Variants in SLC6A20 observed in about 807,000 individuals in gnomAD.
SLC6A20 encodes the protein solute carrier family 6 member 20.
SLC6A20 carries 73 observed loss-of-function variants against 64.3 expected under a neutral mutation model. That is an observed-to-expected ratio of 1.14 (90% CI 0.94 to 1.38). The LOEUF (loss-of-function observed/expected upper bound fraction) is 1.38. Ranked by LOEUF, SLC6A20 falls within the 40% of genes most tolerant of loss-of-function variation. The pLI, the probability that SLC6A20 is intolerant of heterozygous loss-of-function variation, is 0.00. For missense variants in SLC6A20, 725 were observed against 772.8 expected (o/e 0.94, Z 0.73); for synonymous variants, 347 against 329.6 (o/e 1.05, Z -0.57).
At position 45,758,662 on chromosome 3, in the gene SLC6A20, A is replaced by C. The variant is rs1241460664; in HGVS notation, c.*316T>G. 15 of 1,159,988 alleles carry C rather than the reference A, an allele frequency of 1.3e-5. No individual in the cohort carries two copies. Among genetic ancestry groups the C allele is most frequent in the Non-Finnish European group, 1.6e-5 (15 of 937,762 alleles). 71.9% of individuals were successfully genotyped at this position (1,159,988 alleles called of 1,614,324 possible). A position where few individuals can be genotyped will look rare whatever the true frequency, so the allele number is the denominator to read the frequency against. On this transcript the variant is annotated 3_prime_UTR_variant, in exon 11 of 11. Coordinates refer to ENST00000358525, the MANE Select transcript of SLC6A20 (RefSeq NM_020208.4). ...TTAAATTTGGTCCCATAAGAATTAT[A>C]GTCATATTTCAGTTTGCAATGTGCC...
rs2125713840 is a variant in SLC6A20 at position 45,757,153 on chromosome 3, TCTC to T, written c.*1822_*1824del. Reference sequence around the variant, plus strand: ...CTCACCTCCAGCCACAGGGCGGTTTTCTCCTATCTCAGAATAGAACGAATGGGA... The same window carrying T: ...CTCACCTCCAGCCACAGGGCGGTTTTCTATCTCAGAATAGAACGAATGGGA... On this transcript the variant is annotated 3_prime_UTR_variant, in exon 11 of 11. Transcript: ENST00000358525. The T allele has an allele frequency of 6.7e-6, 1 of 149,664 alleles. No individual in the cohort carries two copies. Among genetic ancestry groups the T allele is most frequent in the South Asian group, 2.2e-4 (1 of 4,586 alleles). 9.3% of individuals were successfully genotyped at this position (149,664 alleles called of 1,614,324 possible).
intron 7 of SLC6A20, among the ~76,000 whole-genome samples, chr3:45,766,453 CTA>C (rs1316203273): frequency 1.3e-5 from 2 of 152,158 alleles, no homozygotes; most frequent in East Asian, 3.8e-4. Flanking sequence ...AGAGAAGTCA[CTA>C]TGAGTGAAGA....
At chr3:45,768,272 G>A (rs1699805531) in intron 7 of SLC6A20, among the ~76,000 whole-genome samples, 1 of 151,222 alleles carries the variant, frequency 6.6e-6, no homozygotes, top group Admixed American at 6.6e-5. Flanking sequence ...GAGAAATCAA[G>A]CAACCAAATT....
chr3:45,780,248 G>A (rs554890928), intron 2 of SLC6A20, 148 bp from the exon 3 acceptor site: 2 of 642,992 alleles, frequency 3.1e-6, no homozygotes, highest in East Asian at 2.7e-5. Flanking sequence ...TGAGTATTAA[G>A]CGAGACCAGG....
rs764588044 is a variant in SLC6A20, at chr3:45,792,697, G to A, written c.121+3602C>T. Reference sequence around the variant, plus strand: ...GCTGTGGCCACCGCAGCTCCAGGCCGGCTCACAAGAGCCAACCGGCCCCAC... The same window carrying A: ...GCTGTGGCCACCGCAGCTCCAGGCCAGCTCACAAGAGCCAACCGGCCCCAC... On this transcript the variant is annotated intron_variant, in intron 1 of 10. Transcript: ENST00000358525. 3.9e-5 allele frequency among the ~76,000 whole-genome samples: 6 copies of A among 152,152 alleles called. No homozygotes were observed. In the East Asian group the frequency reaches 7.7e-4, roughly 20 times the overall value.
intron 1 of SLC6A20, among the ~76,000 whole-genome samples, chr3:45,782,597 A>G (rs757266174): frequency 3.4e-4 from 50 of 147,210 alleles, no homozygotes. Context: ...CCAACCTTCC[A>G]TTCATCCATC....
At chr3:45,766,012 C>A (rs539059318) in intron 7 of SLC6A20, among the ~76,000 whole-genome samples, 4 of 152,306 alleles carry the variant, frequency 2.6e-5, no homozygotes, top group African/African-American at 9.6e-5. Flanking sequence ...TACGTACATT[C>A]TGGATGAAAG....
rs190382051 is a variant in SLC6A20, at chr3:45,765,215, A to G, written c.1303+322T>C. Among the ~76,000 whole-genome samples, 1 of 152,270 alleles carries G rather than the reference A, an allele frequency of 6.6e-6. No individual in the cohort carries two copies. The highest frequency in any genetic ancestry group is 1.9e-4 in the East Asian group (1 of 5,188). On this transcript the variant is annotated intron_variant, in intron 8 of 10. Coordinates refer to ENST00000358525, the MANE Select transcript of SLC6A20 (RefSeq NM_020208.4). This position sits in a 1 kb window ranked among gnomAD's most constrained non-coding sequence, Gnocchi z 4.2. ...GCAACAGAGCGAGACTCCGTCTGAA[A>G]TATATATAATATACTTCAATGAAAA...
At position 45,765,838 on chromosome 3, in the gene SLC6A20, C is replaced by T; in HGVS notation, c.1099-97G>A. On this transcript the variant is annotated intron_variant, in intron 7 of 10. Coordinates refer to ENST00000358525, the MANE Select transcript of SLC6A20 (RefSeq NM_020208.4). The surrounding 1 kb of genome is among the most constrained non-coding windows in gnomAD (Gnocchi z 4.2). ...GCAACATGGGGGACCTTGGAAGTGGCCATGAGAAGCCACATTGTGAGGTTG... is the reference window on the plus strand; with the variant it reads ...GCAACATGGGGGACCTTGGAAGTGGTCATGAGAAGCCACATTGTGAGGTTG... 1 of 1,269,102 alleles carries T rather than the reference C, an allele frequency of 7.9e-7. No homozygotes were observed. Among genetic ancestry groups the T allele is most frequent in the Non-Finnish European group, 1.1e-6 (1 of 898,134 alleles). The allele number at this position is 1,269,102 out of a possible 1,614,324, so 78.6% of individuals were successfully genotyped here. A position where few individuals can be genotyped will look rare whatever the true frequency, so the allele number is the denominator to read the frequency against.
At chr3:45,763,365 T>G (rs541012509) in intron 8 of SLC6A20, among the ~76,000 whole-genome samples, 2 of 152,282 alleles carry the variant, frequency 1.3e-5, no homozygotes, top group East Asian at 1.9e-4. Context: ...GCAGACGTAG[T>G]GGGCACTGTC....
rs750497715 is a variant in SLC6A20, at chr3:45,759,841, C to T, written c.1629+16G>A. 3.1e-5 allele frequency: 49 copies of T among 1,605,868 alleles called. No individual in the cohort carries two copies. The East Asian group carries it at 3.1e-4, about 10-fold the overall frequency. ...CCATGGGGGCCCAGCGCCAGCCCTA[C>T]GGAGACAGTAGATACCTGGGAGGCG... On this transcript the variant is annotated intron_variant, in intron 10 of 10. Coordinates refer to ENST00000358525, the MANE Select transcript of SLC6A20 (RefSeq NM_020208.4).
At chr3:45,777,530 T>C (rs904571951) in intron 3 of SLC6A20, among the ~76,000 whole-genome samples, 4 of 152,326 alleles carry the variant, frequency 2.6e-5, no homozygotes, top group Admixed American at 6.5e-5. Flanking sequence ...GAAGAGATGC[T>C]GTGTGAGTGA....
chr3:45,774,264 T>G (rs1699928586), intron 4 of SLC6A20, among the ~76,000 whole-genome samples: 1 of 152,212 alleles, frequency 6.6e-6, no homozygotes, highest in Non-Finnish European at 1.5e-5. Flanking sequence ...TAAATAAGTT[T>G]TTATGGCATG....
In SLC6A20 at chr3:45,765,511, C is replaced by T. The variant is rs1699760287; in HGVS notation, c.1303+26G>A. ...ACGCCTTGGCCCTCCTGACCCCTGC[C>T]TCCTCCACTGGCTGGCCCCGCTGAC... On this transcript the variant is annotated intron_variant, in intron 8 of 10. Coordinates refer to ENST00000358525, the MANE Select transcript of SLC6A20 (RefSeq NM_020208.4). This position sits in a 1 kb window ranked among gnomAD's most constrained non-coding sequence, Gnocchi z 4.2. 1 of 1,599,822 alleles carries T rather than the reference C, an allele frequency of 6.3e-7. No homozygotes were observed. The highest frequency in any genetic ancestry group is 1.7e-5 in the Admixed American group (1 of 57,480).
chr3:45,762,083 T>C (rs538957021), intron 9 of SLC6A20, among the ~76,000 whole-genome samples: 1 of 152,246 alleles, frequency 6.6e-6, no homozygotes, highest in South Asian at 2.1e-4. Context: ...CTGCCCAAAC[T>C]GTGATGTGCC....
intron 4 of SLC6A20, among the ~76,000 whole-genome samples, chr3:45,775,225 A>G (rs1699943335): frequency 6.6e-6 from 1 of 152,160 alleles, no homozygotes; most frequent in African/African-American, 2.4e-5. Context: ...AAAGGGTCTC[A>G]AACTCAGCTG....
intron 5 of SLC6A20, chr3:45,772,225 G>C (rs1559565606): frequency 2.7e-6 from 1 of 372,520 alleles, no homozygotes; most frequent in Non-Finnish European, 4.9e-6. Flanking sequence ...AGGTGAGGCA[G>C]TGGCAGGGGT....
chr3:45,779,826 C>T (rs189525821), intron 3 of SLC6A20, among the ~76,000 whole-genome samples, 183 bp downstream of exon 3: 7 of 152,362 alleles, frequency 4.6e-5, no homozygotes, highest in East Asian at 3.9e-4. Flanking sequence ...CCGTGGAGCC[C>T]GGGTTCAGAA....
rs531935745 is a variant in SLC6A20 at position 45,765,911 on chromosome 3, G to A, written c.1099-170C>T. The A allele has an allele frequency of 8.9e-5, 61 of 684,942 alleles. 1 individual carries two copies. In the Middle Eastern group the frequency reaches 2.6e-3, roughly 29 times the overall value. The allele number at this position is 684,942 out of a possible 1,614,324, so 42.4% of individuals were successfully genotyped here. A position where few individuals can be genotyped will look rare whatever the true frequency, so the allele number is the denominator to read the frequency against. On this transcript the variant is annotated intron_variant, in intron 7 of 10. Coordinates refer to ENST00000358525, the MANE Select transcript of SLC6A20 (RefSeq NM_020208.4). The surrounding 1 kb of genome is among the most constrained non-coding windows in gnomAD (Gnocchi z 4.2). ...CCCTTACACTCAGCTGGGCTGAAAC[G>A]AAATGGGAGCTGCCAGGAGCTCATA...
Sources: allele counts gnomAD v4.1 joint callset (sites outside exome capture counted in the v4.1 genomes callset), GRCh38; gene constraint gnomAD v4.1.1; non-coding constraint Gnocchi (gnomAD v3.1); transcripts MANE v1.5; gene names NCBI Gene and HGNC (gene_info 2026-07-23, HGNC 2026-07-21).